The following SCAPER variants were observed in gnomAD, a reference collection of about 807,000 sequenced individuals.
The protein encoded by SCAPER is S phase cyclin A-associated protein in the endoplasmic reticulum.
Under a neutral mutation model 182.2 loss-of-function variants are expected in SCAPER, and 98 were observed. The observed-to-expected ratio is 0.54, with a 90% confidence interval of 0.46 to 0.64. The LOEUF is 0.64. Ranked by LOEUF, SCAPER falls within the 30% of genes least tolerant of loss-of-function variation. The pLI is 0.00. For missense variants in SCAPER, 1,432 were observed against 1,690.0 expected (o/e 0.85, Z 2.68); for synonymous variants, 605 against 564.6 (o/e 1.07, Z -1.01).
intron 26 of SCAPER, among the ~76,000 whole-genome samples, chr15:76,409,981 C>T (rs2045168568): frequency 6.8e-6 from 1 of 146,066 alleles, no homozygotes; most frequent in Admixed American, 6.9e-5. Flanking sequence ...TTGGTAGAGA[C>T]AGGGTTTTGC....
chr15:76,693,410 G>A (rs1026898688), intron 20 of SCAPER, among the ~76,000 whole-genome samples: 1 of 152,130 alleles, frequency 6.6e-6, no homozygotes. Context: ...CTCATTAGCT[G>A]TGGAAAATTG....
chr15:76,538,420 C>T (rs62030366), intron 23 of SCAPER, among the ~76,000 whole-genome samples: 10 of 148,244 alleles, frequency 6.7e-5, no homozygotes, highest in Non-Finnish European at 9.0e-5. Flanking sequence ...TTTGTAGGGA[C>T]ATGGATGAAA....
At chr15:76,872,120 G>A (rs1005448195) in intron 2 of SCAPER, among the ~76,000 whole-genome samples, 13 of 151,934 alleles carry the variant, frequency 8.6e-5, no homozygotes, top group African/African-American at 2.2e-4. Flanking sequence ...AAAGGTCAGC[G>A]AACTGGAAAA....
At chr15:76,405,559 C>A (rs2044768976) in intron 26 of SCAPER, among the ~76,000 whole-genome samples, 1 of 152,210 alleles carries the variant, frequency 6.6e-6, no homozygotes, top group South Asian at 2.1e-4. Context: ...TTTAAGAAAT[C>A]ATTTCCATCT....
intron 5 of SCAPER, among the ~76,000 whole-genome samples, chr15:76,820,145 G>A (rs12916869): frequency 0.38 from 57,986 of 151,624 alleles, 13,103 homozygotes; most frequent in Middle Eastern, 0.53. Flanking sequence ...TTGGTGGGAC[G>A]GTAAACTAGT....
chr15:76,852,111 G>A (rs1599102908), intron 4 of SCAPER, among the ~76,000 whole-genome samples: 2 of 152,222 alleles, frequency 1.3e-5, no homozygotes, highest in East Asian at 3.9e-4. Context: ...ATTACATAAT[G>A]ATAAAAGATT....
chr15:76,817,369 G>A lies in SCAPER; in HGVS notation c.394-12736C>T, dbSNP rs565306284. On this transcript the variant is annotated intron_variant, in intron 5 of 31. Transcript: ENST00000563290. ...ATATATATATAATCTAAACAAAGTC[G>A]AATACGTAGAAAGAAAGGGACAATC... 2.6e-4 allele frequency among the ~76,000 whole-genome samples: 39 copies of A among 152,136 alleles called. No individual in the cohort carries two copies. The South Asian group carries it at 3.1e-3, about 12-fold the overall frequency.
At chr15:76,681,398 A>T (rs1206439235) in intron 20 of SCAPER, among the ~76,000 whole-genome samples, 1 of 152,246 alleles carries the variant, frequency 6.6e-6, no homozygotes, top group African/African-American at 2.4e-5. Context: ...ATCCAGGCAC[A>T]AGCTATCTGT....
intron 23 of SCAPER, among the ~76,000 whole-genome samples, chr15:76,547,144 C>G (rs157771): frequency 0.97 from 147,613 of 152,234 alleles, 71,715 homozygotes; most frequent in South Asian, 1. Flanking sequence ...AGTGGGTTTC[C>G]ATTTACACTC....
At chr15:76,870,681 G>C (rs2072652348) in intron 2 of SCAPER, among the ~76,000 whole-genome samples, 1 of 151,666 alleles carries the variant, frequency 6.6e-6, no homozygotes, top group African/African-American at 2.4e-5. Context: ...AAAATATCCA[G>C]AATGAAAACA....
intron 21 of SCAPER, among the ~76,000 whole-genome samples, chr15:76,647,974 A>G (rs7163397): frequency 0.39 from 59,247 of 152,026 alleles, 13,269 homozygotes; most frequent in Middle Eastern, 0.52. Context: ...ACAGAATTAA[A>G]TTCTACATTC....
At chr15:76,704,361 C>T (rs2059130116) in intron 18 of SCAPER, among the ~76,000 whole-genome samples, 1 of 152,088 alleles carries the variant, frequency 6.6e-6, no homozygotes, top group African/African-American at 2.4e-5. Flanking sequence ...CTTTTGTGGC[C>T]ATTGCTTTTG....
chr15:76,596,475 T>C (rs777994880), intron 22 of SCAPER, among the ~76,000 whole-genome samples: 1 of 120,840 alleles, frequency 8.3e-6, no homozygotes, highest in African/African-American at 2.5e-5. Flanking sequence ...GAGGCCAGCA[T>C]CATCCTGATA....
chr15:76,689,288 G>C (rs897739846), intron 20 of SCAPER, among the ~76,000 whole-genome samples: 3 of 152,052 alleles, frequency 2.0e-5, no homozygotes, highest in Non-Finnish European at 4.4e-5. Context: ...GGGGTAGAGG[G>C]AAGGAGAGAG....
In SCAPER at chr15:76,795,288, C is replaced by A. The variant is rs771125619; in HGVS notation, c.764G>T (p.Arg255Leu). ...CPPMTVQKASRKNERKDAEGW... is the reference protein window; with the variant it reads ...CPPMTVQKASLKNERKDAEGW... ...AATTCGAAGTCACTTGCCATTTTTG[C>A]GTGAGGCCTTCTGCACTGTCATTGG... Residue 255 changes from arginine (R) to leucine (L), a missense_variant, in exon 8 of 32, where the codon CGC (arginine) becomes CTC (leucine). This residue lies in a region of SCAPER where 480 missense variants were observed against 510.2 expected (regional missense o/e 0.94). Transcript: ENST00000563290. The A allele has an allele frequency of 5.0e-6, 8 of 1,607,364 alleles. No individual in the cohort carries two copies. Among genetic ancestry groups the A allele is most frequent in the Non-Finnish European group, 6.8e-6 (8 of 1,176,492 alleles).
At chr15:76,378,174 T>C (rs2042697213) in intron 28 of SCAPER, among the ~76,000 whole-genome samples, 1 of 152,250 alleles carries the variant, frequency 6.6e-6, no homozygotes, top group Admixed American at 6.5e-5. Context: ...AACAGCTCTG[T>C]ATTCTTGTGA....
chr15:76,857,099 G>T (rs891924267), intron 4 of SCAPER, among the ~76,000 whole-genome samples: 3 of 152,082 alleles, frequency 2.0e-5, no homozygotes, highest in Non-Finnish European at 4.4e-5. Context: ...GGCAAACATT[G>T]AAGGCATAGC....
intron 25 of SCAPER, among the ~76,000 whole-genome samples, chr15:76,455,922 G>A (rs955756920): frequency 2.0e-5 from 3 of 152,108 alleles, no homozygotes; most frequent in Non-Finnish European, 2.9e-5. Context: ...AGAACATGCC[G>A]TGTTTGGTTT....
intron 23 of SCAPER, among the ~76,000 whole-genome samples, chr15:76,538,558 G>C (rs901732554): frequency 2.6e-5 from 4 of 152,118 alleles, no homozygotes; most frequent in Non-Finnish European, 4.4e-5. Context: ...ACACTCTGTG[G>C]ACTGTTGTGG....
Sources: allele counts gnomAD v4.1 joint callset (sites outside exome capture counted in the v4.1 genomes callset), GRCh38; gene constraint gnomAD v4.1.1; regional missense constraint gnomAD v4.1.1; transcripts MANE v1.5; gene names NCBI Gene and HGNC (gene_info 2026-07-23, HGNC 2026-07-21).